The following ADK variants were observed in gnomAD, a reference collection of about 807,000 sequenced individuals.
The protein encoded by ADK is N6,N6-dimethyladenosine kinase.
In ADK, 24 loss-of-function variants were observed where a neutral mutation model predicts 44.7. The observed-to-expected ratio is 0.54, with a 90% CI of 0.39 to 0.76. The LOEUF (loss-of-function observed/expected upper bound fraction) is 0.76, where lower values mean the gene tolerates loss of function less well. ADK is among the 30% of genes least tolerant of loss of function. The pLI is 0.00. For missense variants in ADK, 321 were observed against 425.1 expected, an observed-to-expected ratio of 0.76 and a Z score of 2.15; for synonymous variants, 128 against 142.6, an observed-to-expected ratio of 0.90 and a Z score of 0.73.
intron 3 of ADK, among the ~76,000 whole-genome samples, chr10:74,287,967 A>T: frequency 6.8e-6 from 1 of 146,232 alleles, no homozygotes; most frequent in East Asian, 2.0e-4. Context: ...GGGGCGATGT[A>T]CTGAGACCCT....
At chr10:74,675,986 T>A (rs929371904) in intron 10 of ADK, among the ~76,000 whole-genome samples, 6 of 150,100 alleles carry the variant, frequency 4.0e-5, no homozygotes, top group African/African-American at 9.8e-5. Context: ...TAGGCACTTA[T>A]ATACAACTCT....
chr10:74,325,393 T>G (rs1001278422), intron 4 of ADK, among the ~76,000 whole-genome samples: 2 of 152,238 alleles, frequency 1.3e-5, no homozygotes, highest in African/African-American at 4.8e-5. Context: ...GTACATTCTT[T>G]AGGGTTTTCT....
At chr10:74,668,296 AT>A (rs1331277627) in intron 9 of ADK, among the ~76,000 whole-genome samples, 9 of 148,272 alleles carry the variant, frequency 6.1e-5, no homozygotes, top group Admixed American at 1.3e-4. Flanking sequence ...GTCTGCTTAC[AT>A]TTTTTTTTTG....
intron 3 of ADK, among the ~76,000 whole-genome samples, chr10:74,254,692 A>G (rs1452362448): frequency 6.6e-6 from 1 of 152,096 alleles, no homozygotes; most frequent in African/African-American, 2.4e-5. Flanking sequence ...AAAAATTGTT[A>G]CAAGTTTGGA....
At chr10:74,212,895 TA>T (rs56005191) in intron 2 of ADK, among the ~76,000 whole-genome samples, 152,252 of 152,252 alleles carry the variant, frequency 1, 76,126 homozygotes, top group Non-Finnish European at 1. Context: ...ATGAAGAGGG[TA>T]AAAGGAGTTA....
intron 1 of ADK, among the ~76,000 whole-genome samples, chr10:74,171,808 CTCTGTGTGTGTGTG>C (rs942319313): frequency 1.4e-5 from 2 of 142,532 alleles, no homozygotes; most frequent in African/African-American, 5.6e-5. Context: ...CTCTCTGTCT[CTCTGTGTGTGTGTG>C]TGTGTGTGTG....
rs554749078 is a variant in ADK, at chr10:74,212,567, G to A, written c.140+11729G>A. Among the ~76,000 whole-genome samples the A allele has an allele frequency of 3.3e-5, 5 of 152,304 alleles. No individual in the cohort carries two copies. The South Asian group carries it at 1.0e-3, about 32-fold the overall frequency. On this transcript the variant is annotated intron_variant, in intron 2 of 10. Transcript: ENST00000539909. ...GTAAAATAAGGTTATTAGGGTTCTTGTGAGGATTGAATGAGATTATTTGAA... is the reference window on the plus strand; with the variant it reads ...GTAAAATAAGGTTATTAGGGTTCTTATGAGGATTGAATGAGATTATTTGAA...
At chr10:74,602,105 CA>C (rs58400071) in intron 9 of ADK, among the ~76,000 whole-genome samples, 195 of 48,786 alleles carry the variant, frequency 4.0e-3, no homozygotes, top group Non-Finnish European at 5.7e-3. Context: ...ACCCTGTCTC[CA>C]AAAAAAAAAA....
At chr10:74,354,630 C>T (rs1188274501) in intron 4 of ADK, among the ~76,000 whole-genome samples, 5 of 152,108 alleles carry the variant, frequency 3.3e-5, no homozygotes, top group African/African-American at 9.7e-5. Flanking sequence ...TCATAACCAG[C>T]GACCACCAGG....
intron 7 of ADK, among the ~76,000 whole-genome samples, chr10:74,579,110 T>C (rs1851292609): frequency 6.6e-6 from 1 of 152,018 alleles, no homozygotes; most frequent in Non-Finnish European, 1.5e-5. Context: ...GGCGTGTGTC[T>C]GTAGTCCCAG....
chr10:74,216,724 CAAAAAAA>C (rs66939717), intron 2 of ADK, among the ~76,000 whole-genome samples: 1 of 135,196 alleles, frequency 7.4e-6, no homozygotes. Context: ...AACTCTGTCT[CAAAAAAA>C]AAAATAAAAA....
At chr10:74,366,606 A>G (rs1842506319) in intron 4 of ADK, among the ~76,000 whole-genome samples, 2 of 152,172 alleles carry the variant, frequency 1.3e-5, no homozygotes, top group Admixed American at 6.5e-5. Context: ...TACATAGAGA[A>G]CCAAAAAAAA....
At chr10:74,282,054 C>G (rs1846961429) in intron 3 of ADK, among the ~76,000 whole-genome samples, 1 of 152,156 alleles carries the variant, frequency 6.6e-6, no homozygotes, top group Non-Finnish European at 1.5e-5. Context: ...CAAAAGCTTA[C>G]AAGGCACATG....
chr10:74,219,337 C>T (rs1206800569), intron 2 of ADK, among the ~76,000 whole-genome samples: 6 of 152,092 alleles, frequency 3.9e-5, no homozygotes, highest in African/African-American at 1.4e-4. Flanking sequence ...AATATATATG[C>T]ACCCAATACA....
At chr10:74,661,240 G>T (rs1426017647) in intron 9 of ADK, 1 of 842,964 alleles carries the variant, frequency 1.2e-6, no homozygotes, top group Non-Finnish European at 1.4e-6. Flanking sequence ...TAACTGCTGT[G>T]TAACAATGAA....
intron 1 of ADK, among the ~76,000 whole-genome samples, chr10:74,180,289 G>A (rs1842492503): frequency 6.6e-6 from 1 of 150,448 alleles, no homozygotes; most frequent in Non-Finnish European, 1.5e-5. Context: ...CCAGGCTGGA[G>A]TGCAGTGGCG....
intron 4 of ADK, among the ~76,000 whole-genome samples, chr10:74,332,098 T>G (rs1592058477): frequency 6.6e-6 from 1 of 152,200 alleles, no homozygotes; most frequent in East Asian, 1.9e-4. Flanking sequence ...CCTCAAGTGA[T>G]CCACCCACCT....
chr10:74,680,271 C>T (rs1356318440), intron 10 of ADK, among the ~76,000 whole-genome samples: 15 of 149,998 alleles, frequency 1.0e-4, no homozygotes, highest in African/African-American at 3.7e-4. Context: ...GCCGAGATCG[C>T]ACCACTGCAC....
intron 3 of ADK, among the ~76,000 whole-genome samples, chr10:74,296,998 C>T (rs1217858014): frequency 6.6e-6 from 1 of 152,040 alleles, no homozygotes; most frequent in Admixed American, 6.6e-5. Context: ...CTAGACATAA[C>T]CTAAATGTTT....
Sources: allele counts gnomAD v4.1 joint callset (sites outside exome capture counted in the v4.1 genomes callset), GRCh38; gene constraint gnomAD v4.1.1; transcripts MANE v1.5; gene names NCBI Gene and HGNC (gene_info 2026-07-23, HGNC 2026-07-21).